EYA2: variants seen among roughly 807,000 people sequenced by gnomAD.
EYA2 encodes the protein protein phosphatase EYA2.
EYA2 carries 31 observed loss-of-function variants against 69.2 expected under a neutral mutation model. The observed-to-expected ratio is 0.45, with a 90% CI of 0.34 to 0.60. The LOEUF (loss-of-function observed/expected upper bound fraction) is 0.60. Ranked by LOEUF, EYA2 falls within the 20% of genes least tolerant of loss-of-function variation. The probability of loss-of-function intolerance (pLI) is 0.02; values close to 1 mark genes in which losing one functional copy is unlikely to be tolerated. For synonymous variants in EYA2, 257 were observed against 279.4 expected, an observed-to-expected ratio of 0.92 and a Z score of 0.80; for missense variants, 622 against 701.2, an observed-to-expected ratio of 0.89 and a Z score of 1.28.
At chr20:46,932,450 A>G (rs761761509) in intron 1 of EYA2, among the ~76,000 whole-genome samples, 7 of 152,136 alleles carry the variant, frequency 4.6e-5, no homozygotes, top group Admixed American at 1.3e-4. Context: ...TTGTGTCCCC[A>G]CCCAAATCTC....
chr20:47,021,614 G>A (rs1184353019), intron 5 of EYA2, among the ~76,000 whole-genome samples: 3 of 132,266 alleles, frequency 2.3e-5, no homozygotes, highest in African/African-American at 8.6e-5. Flanking sequence ...GCGACAAAGC[G>A]AGACTCCATC....
chr20:47,124,634 C>T (rs1046286462), intron 9 of EYA2, among the ~76,000 whole-genome samples: 1 of 152,126 alleles, frequency 6.6e-6, no homozygotes, highest in African/African-American at 2.4e-5. Context: ...TGGGCAGTGA[C>T]TCCTGTTAGG....
intron 1 of EYA2, among the ~76,000 whole-genome samples, chr20:46,908,969 G>A (rs1984510841): frequency 7.0e-6 from 1 of 142,286 alleles, no homozygotes; most frequent in Non-Finnish European, 1.5e-5. Flanking sequence ...GAAAAAGTAG[G>A]ACTTGAATCT....
chr20:47,045,649 A>T (rs1170612684), intron 5 of EYA2, among the ~76,000 whole-genome samples: 5 of 152,182 alleles, frequency 3.3e-5, no homozygotes, highest in Non-Finnish European at 5.9e-5. Context: ...CTTCTTCCTC[A>T]ACTCTTTTCA....
At chr20:47,020,252 C>G (rs575252723) in intron 5 of EYA2, among the ~76,000 whole-genome samples, 2 of 152,280 alleles carry the variant, frequency 1.3e-5, no homozygotes, top group South Asian at 4.2e-4. Flanking sequence ...CGGAAGATCA[C>G]AGAGCAAGCT....
At chr20:46,905,340 C>T (rs1027700582) in intron 1 of EYA2, among the ~76,000 whole-genome samples, 16 of 152,174 alleles carry the variant, frequency 1.1e-4, no homozygotes, top group African/African-American at 3.9e-4. Context: ...GACCCACAGC[C>T]CTCCTGGAAC....
At chr20:47,009,173 CCA>C (rs1379286694) in intron 4 of EYA2, among the ~76,000 whole-genome samples, 1 of 152,060 alleles carries the variant, frequency 6.6e-6, no homozygotes, top group African/African-American at 2.4e-5. Flanking sequence ...AGCCAGGCTG[CCA>C]CACACACACG....
intron 4 of EYA2, 46 bp downstream of exon 4, chr20:47,005,130 C>T: frequency 6.2e-7 from 1 of 1,601,276 alleles, no homozygotes; most frequent in Admixed American, 1.7e-5. Context: ...GTCCCCAAAT[C>T]ATGGTCTTTG....
rs772634307 is a variant in EYA2 at position 47,072,166 on chromosome 20, CT to C, written c.416-18del. The C allele has an allele frequency of 1.2e-5, 20 of 1,609,794 alleles. No homozygotes were observed. Among genetic ancestry groups the C allele is most frequent in the Non-Finnish European group, 3.4e-6 (4 of 1,177,230 alleles). On this transcript the variant is annotated intron_variant, in intron 5 of 15. Coordinates refer to ENST00000327619, the MANE Select transcript of EYA2 (RefSeq NM_005244.5). Reference sequence around the variant, plus strand: ...AAGACAAGAACCCTAACCTGTACCCCTGTTCCTCCTTCCCACAGGCACAACA... The same window carrying C: ...AAGACAAGAACCCTAACCTGTACCCCGTTCCTCCTTCCCACAGGCACAACA...
chr20:46,939,263 C>G (rs1221221519), intron 1 of EYA2, among the ~76,000 whole-genome samples: 22 of 152,058 alleles, frequency 1.4e-4, no homozygotes. Flanking sequence ...GGAAAAGGCA[C>G]CATCTCACCA....
At chr20:47,087,965 G>A (rs1295207414) in intron 7 of EYA2, among the ~76,000 whole-genome samples, 3 of 152,242 alleles carry the variant, frequency 2.0e-5, no homozygotes, top group South Asian at 2.1e-4. Flanking sequence ...AGTGGCTCAC[G>A]CCTGTAATCC....
At chr20:46,928,689 A>G (rs964722555) in intron 1 of EYA2, among the ~76,000 whole-genome samples, 2 of 152,246 alleles carry the variant, frequency 1.3e-5, no homozygotes, top group Non-Finnish European at 2.9e-5. Context: ...TGCCTGGCAC[A>G]CAGTGCCGGT....
At chr20:46,978,780 A>T (rs1340100063) in intron 1 of EYA2, 2 of 498,602 alleles carry the variant, frequency 4.0e-6, no homozygotes, top group African/African-American at 2.0e-5. Context: ...GACCTGGGCG[A>T]TGGCCATGGA....
At chr20:47,071,047 C>T (rs753514442) in intron 5 of EYA2, among the ~76,000 whole-genome samples, 12 of 151,758 alleles carry the variant, frequency 7.9e-5, no homozygotes, top group Non-Finnish European at 1.3e-4. Flanking sequence ...CTTGCTCTGT[C>T]ACCCAGAGCT....
intron 10 of EYA2, among the ~76,000 whole-genome samples, chr20:47,164,930 C>A (rs2034151094): frequency 6.6e-6 from 1 of 152,136 alleles, no homozygotes. Flanking sequence ...TCTTCCCTAA[C>A]TGAACTTATC....
intron 11 of EYA2, among the ~76,000 whole-genome samples, chr20:47,170,629 A>G (rs570438948): frequency 6.6e-6 from 1 of 151,624 alleles, no homozygotes; most frequent in South Asian, 2.1e-4. Flanking sequence ...CCTGGGGTAC[A>G]GAGCGAGACT....
intron 5 of EYA2, among the ~76,000 whole-genome samples, chr20:47,031,491 C>T (rs1264008393): frequency 2.0e-5 from 3 of 152,196 alleles, no homozygotes; most frequent in African/African-American, 4.8e-5. Context: ...CTAGCTCTCC[C>T]TTCCCCTCCG....
intron 5 of EYA2, among the ~76,000 whole-genome samples, chr20:47,044,447 A>C (rs1397414631): frequency 6.6e-6 from 1 of 152,208 alleles, no homozygotes; most frequent in East Asian, 1.9e-4. Flanking sequence ...CAATATTTGT[A>C]ATAGAATAAA....
At chr20:46,950,460 G>A (rs897522154) in intron 1 of EYA2, among the ~76,000 whole-genome samples, 6 of 152,128 alleles carry the variant, frequency 3.9e-5, no homozygotes, top group African/African-American at 1.4e-4. Context: ...TGGGGTGCTG[G>A]AGCTGTGGGG....
Sources: allele counts gnomAD v4.1 joint callset (sites outside exome capture counted in the v4.1 genomes callset), GRCh38; gene constraint gnomAD v4.1.1; transcripts MANE v1.5; gene names NCBI Gene and HGNC (gene_info 2026-07-23, HGNC 2026-07-21).